Variants in PHACTR2 observed in about 807,000 individuals in gnomAD.
PHACTR2 encodes the protein chromosome 6 open reading frame 56.
Under a neutral mutation model 76.0 loss-of-function variants are expected in PHACTR2, and 30 were observed. The ratio of observed to expected loss-of-function variants is 0.39; its 90% confidence interval spans 0.30 to 0.54. The LOEUF is 0.54. Ranked by LOEUF, PHACTR2 falls within the 20% of genes least tolerant of loss-of-function variation. The pLI, the probability that PHACTR2 is intolerant of heterozygous loss-of-function variation, is 0.61. For synonymous variants in PHACTR2, 292 were observed against 292.5 expected (o/e 1.00, Z 0.02); for missense variants, 696 against 781.1 (o/e 0.89, Z 1.30).
At chr6:143,741,336 T>C (rs1235940274) in intron 2 of PHACTR2, among the ~76,000 whole-genome samples, 3 of 151,694 alleles carry the variant, frequency 2.0e-5, no homozygotes, top group Non-Finnish European at 4.4e-5. Context: ...CTACTAAAAA[T>C]ATAAAAATTA....
At chr6:143,660,833 TG>T in intron 1 of PHACTR2, among the ~76,000 whole-genome samples, 2 of 152,126 alleles carry the variant, frequency 1.3e-5, no homozygotes, top group Non-Finnish European at 2.9e-5. Context: ...GGCCAGATAT[TG>T]AGAGTTAATC....
Position 143,547,585 on chromosome 6 carries a change from C to A in PHACTR2, c.217+10378C>A, listed in dbSNP as rs1383604333. Among the ~76,000 whole-genome samples the A allele has an allele frequency of 2.6e-5, 4 of 152,008 alleles. No individual in the cohort carries two copies. The highest frequency in any genetic ancestry group is 1.9e-4 in the East Asian group (1 of 5,188). Reference sequence around the variant, plus strand: ...CCACTGTGACATTTGTAGAAGGGACCCAATCAGATATGAATGAGAGGATTA... The same window carrying A: ...CCACTGTGACATTTGTAGAAGGGACACAATCAGATATGAATGAGAGGATTA... On this transcript the variant is annotated intron_variant, in intron 1 of 11. Transcript: ENST00000367584. This position sits in a 1 kb window ranked among gnomAD's most constrained non-coding sequence, Gnocchi z 4.2.
At position 143,654,632 on chromosome 6, in the gene PHACTR2, C is replaced by T. The variant is rs1776818126; in HGVS notation, c.13+46310C>T. 6.6e-6 allele frequency among the ~76,000 whole-genome samples: 1 copy of T among 151,780 alleles called. No individual in the cohort carries two copies. The highest frequency in any genetic ancestry group is 1.5e-5 in the Non-Finnish European group (1 of 67,970). On this transcript the variant is annotated intron_variant, in intron 1 of 11. Transcript: ENST00000305766. The surrounding 1 kb of genome is among the most constrained non-coding windows in gnomAD (Gnocchi z 4.6). Reference sequence around the variant, plus strand: ...CCAGCCTGAGCAACATAGCAAGACTCCATCTCTACAAAAAGTAAAAAATTA... The same window carrying T: ...CCAGCCTGAGCAACATAGCAAGACTTCATCTCTACAAAAAGTAAAAAATTA...
rs1308186831 is a variant in PHACTR2 at position 143,671,385 on chromosome 6, T to C, written c.14-40631T>C. On this transcript the variant is annotated intron_variant, in intron 1 of 11. Transcript: ENST00000305766. The surrounding 1 kb of genome is among the most constrained non-coding windows in gnomAD (Gnocchi z 4.6). Reference sequence around the variant, plus strand: ...TGTCTTTATATTAACTGGTCTTTCTTCTTGGAACACCTCTCCCCCAGATAG... The same window carrying C: ...TGTCTTTATATTAACTGGTCTTTCTCCTTGGAACACCTCTCCCCCAGATAG... 6.6e-6 allele frequency among the ~76,000 whole-genome samples: 1 copy of C among 152,210 alleles called. No homozygotes were observed. The highest frequency in any genetic ancestry group is 1.5e-5 in the Non-Finnish European group (1 of 68,046).
At position 143,824,335 on chromosome 6, in the gene PHACTR2, G is replaced by A. The variant is rs1475070451; in HGVS notation, c.*646G>A. On this transcript the variant is annotated 3_prime_UTR_variant, in exon 13 of 13. Coordinates refer to ENST00000440869, the MANE Select transcript of PHACTR2 (RefSeq NM_001100164.2). The surrounding 1 kb of genome is among the most constrained non-coding windows in gnomAD (Gnocchi z 6.3). Reference sequence around the variant, plus strand: ...CCAGTTGCCAGAAATAAGTCTGAATGTTTTCATGCATCTTTTTCTTAAATG... The same window carrying A: ...CCAGTTGCCAGAAATAAGTCTGAATATTTTCATGCATCTTTTTCTTAAATG... The A allele has an allele frequency of 6.6e-6, 1 of 152,586 alleles. No individual in the cohort carries two copies. Among genetic ancestry groups the A allele is most frequent in the African/African-American group, 2.4e-5 (1 of 41,438 alleles). 9.5% of individuals were successfully genotyped at this position (152,586 alleles called of 1,614,324 possible).
intron 1 of PHACTR2, among the ~76,000 whole-genome samples, chr6:143,542,426 G>A (rs1584049419): frequency 6.6e-6 from 1 of 152,138 alleles, no homozygotes; most frequent in Admixed American, 6.5e-5. Flanking sequence ...AAGTCAGGAG[G>A]TCCTTATTAG....
At chr6:143,799,807 T>A (rs201300795) in intron 11 of PHACTR2, among the ~76,000 whole-genome samples, 1 of 152,182 alleles carries the variant, frequency 6.6e-6, no homozygotes, top group African/African-American at 2.4e-5. Context: ...CCAATTATGT[T>A]GTCAATTTTA....
intron 1 of PHACTR2, among the ~76,000 whole-genome samples, chr6:143,593,459 A>G (rs10484802): frequency 0.43 from 64,929 of 152,048 alleles, 14,186 homozygotes; most frequent in African/African-American, 0.46. Context: ...AAATAGTTAC[A>G]GAAGAGACTC....
chr6:143,803,551 TA>T lies in PHACTR2; in HGVS notation c.1846-3503del, dbSNP rs1776006963. Among the ~76,000 whole-genome samples the T allele has an allele frequency of 6.6e-6, 1 of 152,070 alleles. No individual in the cohort carries two copies. Among genetic ancestry groups the T allele is most frequent in the East Asian group, 1.9e-4 (1 of 5,190 alleles). On this transcript the variant is annotated intron_variant, in intron 11 of 12. Transcript: ENST00000440869. This position sits in a 1 kb window ranked among gnomAD's most constrained non-coding sequence, Gnocchi z 4.7. Reference sequence around the variant, plus strand: ...TGACACAGTGAGACCCTGTCTCAAATAAATAAAAATAAATAAATGAATATAA... The same window carrying T: ...TGACACAGTGAGACCCTGTCTCAAATAATAAAAATAAATAAATGAATATAA...
At chr6:143,763,283 CG>C (rs961031027) in intron 5 of PHACTR2, among the ~76,000 whole-genome samples, 5 of 151,966 alleles carry the variant, frequency 3.3e-5, no homozygotes, top group Middle Eastern at 6.8e-3. Flanking sequence ...CACTTGAACC[CG>C]GGAGGCAGAG....
intron 12 of PHACTR2, among the ~76,000 whole-genome samples, chr6:143,817,377 G>A (rs938078626): frequency 2.6e-5 from 4 of 152,320 alleles, no homozygotes; most frequent in Non-Finnish European, 5.9e-5. Context: ...GTAGCTCATG[G>A]TGTGAGGGTC....
In PHACTR2 at chr6:143,689,720, T is replaced by C; in HGVS notation, c.46+11511T>C. Among the ~76,000 whole-genome samples, 1 of 145,874 alleles carries C rather than the reference T, an allele frequency of 6.9e-6. No individual in the cohort carries two copies. Among genetic ancestry groups the C allele is most frequent in the Non-Finnish European group, 1.5e-5 (1 of 66,978 alleles). ...TCTTTTTTTTTTTTTTGAGATGGAG[T>C]GTCGCTCTGTTGCCCAGGCTGGAGT... On this transcript the variant is annotated intron_variant, in intron 1 of 12. Coordinates refer to ENST00000440869, the MANE Select transcript of PHACTR2 (RefSeq NM_001100164.2). The surrounding 1 kb of genome is among the most constrained non-coding windows in gnomAD (Gnocchi z 4.4).
chr6:143,732,167 C>G (rs975065523), intron 2 of PHACTR2, among the ~76,000 whole-genome samples: 3 of 152,200 alleles, frequency 2.0e-5, no homozygotes, highest in Admixed American at 6.5e-5. Flanking sequence ...AAACAGTTCA[C>G]CCATTTAACG....
chr6:143,652,079 A>G lies in PHACTR2; in HGVS notation c.13+43757A>G, dbSNP rs1023238832. Among the ~76,000 whole-genome samples, 6 of 151,410 alleles carry G rather than the reference A, an allele frequency of 4.0e-5. No homozygotes were observed. The highest frequency in any genetic ancestry group is 3.9e-4 in the Admixed American group (6 of 15,232). On this transcript the variant is annotated intron_variant, in intron 1 of 11. Coordinates refer to the PHACTR2 transcript ENST00000305766. This position sits in a 1 kb window ranked among gnomAD's most constrained non-coding sequence, Gnocchi z 4.5. Reference sequence around the variant, plus strand: ...CTGTTGTTTAAGCAAAAAAAAAAAAAAAGGCCGGTAAACACTGGTGATTCT... The same window carrying G: ...CTGTTGTTTAAGCAAAAAAAAAAAAGAAGGCCGGTAAACACTGGTGATTCT...
intron 9 of PHACTR2, among the ~76,000 whole-genome samples, chr6:143,779,049 CAG>C (rs1406765148): frequency 2.0e-5 from 3 of 152,106 alleles, no homozygotes; most frequent in Non-Finnish European, 4.4e-5. Context: ...TTTCTGGAAA[CAG>C]AGGCATATTT....
At chr6:143,601,368 C>A (rs959420219) in intron 1 of PHACTR2, among the ~76,000 whole-genome samples, 3 of 152,170 alleles carry the variant, frequency 2.0e-5, no homozygotes, top group African/African-American at 7.2e-5. Flanking sequence ...ACTGCAATGG[C>A]CAGAGCTTCC....
chr6:143,638,241 A>T (rs1338289599), intron 1 of PHACTR2, among the ~76,000 whole-genome samples: 1 of 152,182 alleles, frequency 6.6e-6, no homozygotes, highest in Non-Finnish European at 1.5e-5. Context: ...GCTATGGCTT[A>T]AAAAGAAGCA....
rs564817681 is a variant in PHACTR2, at chr6:143,618,196, G to A, written c.13+9874G>A. Among the ~76,000 whole-genome samples, 75 of 151,938 alleles carry A rather than the reference G, an allele frequency of 4.9e-4. No individual in the cohort carries two copies. Among genetic ancestry groups the A allele is most frequent in the African/African-American group, 1.7e-3 (69 of 41,402 alleles). On this transcript the variant is annotated intron_variant, in intron 1 of 11. Transcript: ENST00000305766. The surrounding 1 kb of genome is among the most constrained non-coding windows in gnomAD (Gnocchi z 5.2). ...GCTGTATCCATGTGACTTACCACAG[G>A]CGCCCTGCTTTTTAGTGATAGAGAA... is the stretch of plus-strand genomic sequence containing the variant.
Position 143,777,342 on chromosome 6 carries a change from G to A in PHACTR2, c.1604G>A (p.Arg535Lys). The A allele has an allele frequency of 6.2e-7, 1 of 1,600,498 alleles. No individual in the cohort carries two copies. The highest frequency in any genetic ancestry group is 8.6e-7 in the Non-Finnish European group (1 of 1,169,388). ...TGTCATCATAGGAGGCTGAGCCAGA[G>A]GCCCACAACTGAAGAATTAGAGCAA... ...GTKLVRRLSQ[R>K]PTTEELEQRN... The change falls in exon 9 of 13, where the codon AGG becomes AAG. Residue 535 changes from arginine to lysine, a missense_variant. Transcript: ENST00000440869. The surrounding 1 kb of genome is among the most constrained non-coding windows in gnomAD (Gnocchi z 4.6).
Sources: allele counts gnomAD v4.1 joint callset (sites outside exome capture counted in the v4.1 genomes callset), GRCh38; gene constraint gnomAD v4.1.1; non-coding constraint Gnocchi (gnomAD v3.1); transcripts MANE v1.5; gene names NCBI Gene and HGNC (gene_info 2026-07-23, HGNC 2026-07-21).